The following TMEFF2 variants were observed in gnomAD, a reference collection of about 807,000 sequenced individuals.
The protein encoded by TMEFF2 is transmembrane protein with EGF like and two follistatin like domains 2.
Under a neutral mutation model 53.8 loss-of-function variants are expected in TMEFF2, and 28 were observed. The ratio of observed to expected loss-of-function variants is 0.52; its 90% CI spans 0.39 to 0.71. The LOEUF is 0.71. Among genes scored for constraint, TMEFF2 ranks in the 30% least tolerant of loss-of-function variants. The pLI, the probability that TMEFF2 is intolerant of heterozygous loss-of-function variation, is 0.00. For missense variants in TMEFF2, 353 were observed against 455.2 expected (o/e 0.78, Z 2.04); for synonymous variants, 162 against 166.3 (o/e 0.97, Z 0.20).
intron 5 of TMEFF2, among the ~76,000 whole-genome samples, chr2:192,008,248 T>C (rs888426244): frequency 2.6e-5 from 4 of 152,186 alleles, no homozygotes; most frequent in African/African-American, 9.6e-5. Flanking sequence ...CAGAGACTTA[T>C]TAACGCCCAC....
intron 4 of TMEFF2, among the ~76,000 whole-genome samples, chr2:192,154,769 A>G (rs1173955496): frequency 6.6e-6 from 1 of 151,900 alleles, no homozygotes; most frequent in African/African-American, 2.4e-5. Flanking sequence ...ACATATACAT[A>G]TTCTTATGAG....
chr2:192,169,783 G>C (rs1690863314), intron 4 of TMEFF2, among the ~76,000 whole-genome samples: 1 of 151,962 alleles, frequency 6.6e-6, no homozygotes, highest in Non-Finnish European at 1.5e-5. Context: ...TGTAGAATTG[G>C]ACCCACTTTA....
At chr2:192,012,208 A>C (rs1487164032) in intron 5 of TMEFF2, among the ~76,000 whole-genome samples, 1 of 152,202 alleles carries the variant, frequency 6.6e-6, no homozygotes, top group Non-Finnish European at 1.5e-5. Flanking sequence ...TGGCCTACAT[A>C]TTATCTTTTA....
At chr2:192,145,673 T>A (rs964222392) in intron 4 of TMEFF2, among the ~76,000 whole-genome samples, 1 of 152,106 alleles carries the variant, frequency 6.6e-6, no homozygotes, top group South Asian at 2.1e-4. Context: ...AGGTCACAGA[T>A]TCTAGGCACA....
chr2:191,986,745 C>A (rs907379864), intron 7 of TMEFF2, among the ~76,000 whole-genome samples: 1 of 151,198 alleles, frequency 6.6e-6, no homozygotes, highest in East Asian at 1.9e-4. Flanking sequence ...GTAATCCCAG[C>A]TACTCAGGAG....
intron 5 of TMEFF2, chr2:192,022,058 G>A (rs1044722678): frequency 6.6e-6 from 1 of 152,180 alleles, no homozygotes; most frequent in Non-Finnish European, 1.5e-5. Context: ...GAATTGTCTG[G>A]AAGTGAAGCT....
rs1692365464 is a variant in TMEFF2 at position 191,964,315 on chromosome 2, C to CCCT, written c.746-7938_746-7937insAGG. Reference sequence around the variant, plus strand: ...TCTTTCCTTCTTTCCTTCTTTCTTTCCTTCCTTCCTTTCTTTCCTTCTTTC... The same window carrying CCCT: ...TCTTTCCTTCTTTCCTTCTTTCTTTCCCTCTTCCTTCCTTTCTTTCCTTCTTTC... On this transcript the variant is annotated intron_variant, in intron 7 of 9. Transcript: ENST00000272771. Among the ~76,000 whole-genome samples the CCCT allele has an allele frequency of 3.0e-5, 4 of 133,154 alleles. 2 individuals carry two copies. The highest frequency in any genetic ancestry group is 1.2e-4 in the African/African-American group (4 of 32,288). The allele number at this position is 133,154 out of a possible 152,430, so 87.4% of individuals were successfully genotyped here. A position where few individuals can be genotyped will look rare whatever the true frequency, so the allele number is the denominator to read the frequency against.
chr2:192,174,670 C>T (rs888237701), intron 4 of TMEFF2, among the ~76,000 whole-genome samples: 10 of 151,630 alleles, frequency 6.6e-5, no homozygotes, highest in Non-Finnish European at 1.5e-5. Flanking sequence ...GCTTTCTTCC[C>T]ATATATATTG....
intron 4 of TMEFF2, among the ~76,000 whole-genome samples, chr2:192,068,313 A>C (rs1688212003): frequency 6.6e-6 from 1 of 151,938 alleles, no homozygotes; most frequent in Non-Finnish European, 1.5e-5. Flanking sequence ...ACGGCTGAGC[A>C]TCTCAAATGT....
intron 4 of TMEFF2, among the ~76,000 whole-genome samples, chr2:192,096,991 T>A (rs1688926873): frequency 1.3e-5 from 2 of 152,174 alleles, no homozygotes; most frequent in Admixed American, 1.3e-4. Context: ...TAGTGCTATT[T>A]CTTAGTATTT....
chr2:191,968,173 T>C (rs1692521677), intron 7 of TMEFF2, among the ~76,000 whole-genome samples: 1 of 152,184 alleles, frequency 6.6e-6, no homozygotes, highest in African/African-American at 2.4e-5. Flanking sequence ...CAGGAACAGA[T>C]AACACAGCTG....
intron 4 of TMEFF2, among the ~76,000 whole-genome samples, chr2:192,075,302 T>TAAATATATATATATATATATATATAA (rs1258473625): frequency 2.6e-5 from 1 of 38,088 alleles, no homozygotes; most frequent in African/African-American, 8.0e-5. Flanking sequence ...TATATATATA[T>TAAATATATATATATATATATATATAA]ATATATATAT....
intron 4 of TMEFF2, among the ~76,000 whole-genome samples, chr2:192,074,853 T>C (rs1440956963): frequency 2.0e-5 from 3 of 151,926 alleles, no homozygotes; most frequent in Non-Finnish European, 4.4e-5. Flanking sequence ...CCAAATTTTA[T>C]AAAATAAGAG....
chr2:192,192,055 T>A, intron 1 of TMEFF2, 66 bp from the exon 2 acceptor site: 1 of 1,135,198 alleles, frequency 8.8e-7, no homozygotes, highest in Non-Finnish European at 1.3e-6. Context: ...AAAAAAGCAC[T>A]ACTTTGAAGC....
intron 4 of TMEFF2, among the ~76,000 whole-genome samples, chr2:192,127,064 A>G (rs1407932817): frequency 6.6e-6 from 1 of 152,228 alleles, no homozygotes; most frequent in Non-Finnish European, 1.5e-5. Flanking sequence ...TAAGTACATG[A>G]ATGAGATTAT....
chr2:192,049,921 A>G (rs1687726006), intron 5 of TMEFF2, among the ~76,000 whole-genome samples: 1 of 152,166 alleles, frequency 6.6e-6, no homozygotes. Flanking sequence ...GAATGGTGTG[A>G]ACCTGGAAGG....
intron 4 of TMEFF2, among the ~76,000 whole-genome samples, chr2:192,113,942 CT>C (rs1296369963): frequency 1.3e-5 from 2 of 152,052 alleles, no homozygotes; most frequent in Non-Finnish European, 2.9e-5. Context: ...TCTTAAATCT[CT>C]TTTACTTCAA....
intron 5 of TMEFF2, among the ~76,000 whole-genome samples, chr2:192,053,598 AGTTAGT>A (rs1318055653): frequency 1.3e-5 from 2 of 152,234 alleles, no homozygotes; most frequent in African/African-American, 4.8e-5. Flanking sequence ...ATTATAGTTT[AGTTAGT>A]GTTAAAGGCA....
intron 4 of TMEFF2, among the ~76,000 whole-genome samples, chr2:192,160,873 G>T (rs1339136671): frequency 6.6e-6 from 1 of 152,290 alleles, no homozygotes; most frequent in Non-Finnish European, 1.5e-5. Context: ...TGACAGAGAA[G>T]AAAGTTTATG....
Sources: gnomAD v4.1 joint callset for allele counts (sites outside exome capture counted in the v4.1 genomes callset) on GRCh38, gnomAD v4.1.1 for gene constraint, MANE v1.5 for transcripts, NCBI Gene and HGNC (gene_info 2026-07-23, HGNC 2026-07-21) for gene names.